The following NPC2 variants were observed in gnomAD, a reference collection of about 807,000 sequenced individuals.
NPC2 encodes NPC intracellular cholesterol transporter 2.
NPC2 carries 14 observed loss-of-function variants against 17.0 expected under a neutral mutation model. That is an observed-to-expected ratio of 0.82 (90% CI 0.54 to 1.29). The LOEUF (loss-of-function observed/expected upper bound fraction) is 1.29. Among genes scored for constraint, NPC2 ranks in the 50% most tolerant of loss-of-function variants. The probability of loss-of-function intolerance (pLI) is 0.00; values close to 1 mark genes in which losing one functional copy is unlikely to be tolerated. For missense variants in NPC2, 167 were observed against 183.4 expected (o/e 0.91, Z 0.52); for synonymous variants, 75 against 69.3 (o/e 1.08, Z -0.41).
At chr14:74,493,448 C>T, upstream of NPC2, 2 of 1,463,138 alleles carry the variant, frequency 1.4e-6, no homozygotes, top group Admixed American at 2.0e-5. This position sits in a 1 kb window ranked among gnomAD's most constrained non-coding sequence, Gnocchi z 4.1. Flanking sequence ...CTCCAGCCCT[C>T]TCAGGCCCAG....
At position 74,486,402 on chromosome 14, in the gene NPC2, C is replaced by A. The variant is rs1483609858; in HGVS notation, c.117G>T (p.Val39=). Residue 39 remains valine, a synonymous_variant, in exon 2 of 5, where the codon GTG becomes GTT. Transcript: ENST00000555619. ...GGCAGGGTTGGGTGGGGCATGGGCT[C>A]ACATTCACTTCCTTTATAACTCCAT... ...SVDGVIKEVN[V]SPCPTQPCQL... is the part of the protein sequence containing the mutation. 2 of 1,603,086 alleles carry A rather than the reference C, an allele frequency of 1.2e-6. No homozygotes were observed. Among genetic ancestry groups the A allele is most frequent in the Admixed American group, 3.4e-5 (2 of 58,400 alleles).
chr14:74,487,661 C>A (rs1187583108), intron 1 of NPC2, among the ~76,000 whole-genome samples: 1 of 152,216 alleles, frequency 6.6e-6, no homozygotes, highest in African/African-American at 2.4e-5. Context: ...CATCTTTCTA[C>A]CTCAAGTTCT....
At position 74,480,149 on chromosome 14, in the gene NPC2, C is replaced by G. The variant is rs750143959; in HGVS notation, c.*125G>C. ...GCTCAGTTTCTGCTACAGAGCACCT[C>G]CTCTTCAACGAATCACTGGATACCA... On this transcript the variant is annotated 3_prime_UTR_variant, in exon 5 of 5. Coordinates refer to ENST00000555619, the MANE Select transcript of NPC2 (RefSeq NM_006432.5). The G allele has an allele frequency of 1.4e-5, 22 of 1,599,990 alleles. No homozygotes were observed. The highest frequency in any genetic ancestry group is 1.9e-5 in the Non-Finnish European group (22 of 1,174,342).
intron 2 of NPC2, 88 bp downstream of exon 2, chr14:74,486,241 C>T (rs897765451): frequency 9.4e-6 from 11 of 1,175,228 alleles, no homozygotes; most frequent in Admixed American, 2.0e-5. Flanking sequence ...TGCCAATTCC[C>T]CTCCCCTCCA....
intron 2 of NPC2, among the ~76,000 whole-genome samples, chr14:74,485,294 C>CATAAAA (rs2086699432): frequency 1.4e-5 from 1 of 71,348 alleles, no homozygotes; most frequent in African/African-American, 7.8e-5. Context: ...GACTCTGTCA[C>CATAAAA]AAAAAAAAAA....
At chr14:74,489,261 T>C (rs1464606218) in intron 1 of NPC2, among the ~76,000 whole-genome samples, 2 of 152,212 alleles carry the variant, frequency 1.3e-5, no homozygotes, top group African/African-American at 2.4e-5. Context: ...CCTAGGTCTA[T>C]ATAGCTGCTG....
rs377388392 is a variant in NPC2 at position 74,484,300 on chromosome 14, T to TA, written c.363+114_363+115insT. On this transcript the variant is annotated intron_variant, in intron 3 of 4. Transcript: ENST00000555619. ...CCTATCTCCTTTCCCTCGGGCTTCT[T>TA]CTTCATCATAGAGATAAGGGGCCCT... 47 of 1,060,948 alleles carry TA rather than the reference T, an allele frequency of 4.4e-5. No individual in the cohort carries two copies. The African/African-American group carries it at 7.2e-4, about 16-fold the overall frequency. The allele number at this position is 1,060,948 out of a possible 1,614,324, so 65.7% of individuals were successfully genotyped here.
chr14:74,493,454 C>G, upstream of NPC2: 1 of 1,416,986 alleles, frequency 7.1e-7, no homozygotes, highest in Non-Finnish European at 9.6e-7. This position sits in a 1 kb window ranked among gnomAD's most constrained non-coding sequence, Gnocchi z 4.1. Context: ...CCCTCTCAGG[C>G]CCAGAAGCCT....
At chr14:74,488,424 G>T (rs1402630893) in intron 1 of NPC2, among the ~76,000 whole-genome samples, 1 of 152,076 alleles carries the variant, frequency 6.6e-6, no homozygotes, top group East Asian at 1.9e-4. Context: ...TTAAAATTAG[G>T]CTGATTCAAG....
intron 1 of NPC2, among the ~76,000 whole-genome samples, chr14:74,492,737 C>T (rs1044092094): frequency 1.3e-5 from 2 of 152,120 alleles, no homozygotes; most frequent in Non-Finnish European, 1.5e-5. Context: ...CTATTTGTAA[C>T]AATAAATGAT....
At chr14:74,489,722 A>T (rs1225196678) in intron 1 of NPC2, among the ~76,000 whole-genome samples, 1 of 152,240 alleles carries the variant, frequency 6.6e-6, no homozygotes, top group African/African-American at 2.4e-5. Context: ...GAACTGCCTG[A>T]TAACAGTGCC....
In NPC2 at chr14:74,485,294, C is replaced by CAAAAAAAA. The variant is rs61395005; in HGVS notation, c.191-715_191-708dup. ...TGGGTGACAGAGCGAGACTCTGTCA[C>CAAAAAAAA]AAAAAAAAAAAAAAAAAAAAAAAAA... On this transcript the variant is annotated intron_variant, in intron 2 of 4. Transcript: ENST00000555619. Among the ~76,000 whole-genome samples, 194 of 71,336 alleles carry CAAAAAAAA rather than the reference C, an allele frequency of 2.7e-3. 9 individuals carry two copies. Among genetic ancestry groups the CAAAAAAAA allele is most frequent in the African/African-American group, 6.8e-3 (88 of 12,908 alleles). The allele number at this position is 71,336 out of a possible 152,430, so 46.8% of individuals were successfully genotyped here.
At chr14:74,489,647 G>A (rs1478552238) in intron 1 of NPC2, among the ~76,000 whole-genome samples, 1 of 152,202 alleles carries the variant, frequency 6.6e-6, no homozygotes, top group East Asian at 1.9e-4. Context: ...TTTAAATAAA[G>A]CCTTTAAAAA....
chr14:74,490,419 A>C (rs1415468377), intron 1 of NPC2, among the ~76,000 whole-genome samples: 1 of 152,232 alleles, frequency 6.6e-6, no homozygotes, highest in East Asian at 1.9e-4. Context: ...AAACAGTTTG[A>C]GAAACACTCT....
chr14:74,492,298 G>A (rs1302781311), intron 1 of NPC2, among the ~76,000 whole-genome samples: 3 of 152,098 alleles, frequency 2.0e-5, no homozygotes, highest in African/African-American at 7.2e-5. Context: ...TGATAAATCC[G>A]CTCTGTCTAG....
In NPC2 at chr14:74,486,409, A is replaced by G. The variant is rs2086712978; in HGVS notation, c.110T>C (p.Val37Ala). The G allele has an allele frequency of 1.2e-6, 2 of 1,600,662 alleles. No homozygotes were observed. Among genetic ancestry groups the G allele is most frequent in the Non-Finnish European group, 1.7e-6 (2 of 1,173,316 alleles). The change falls in exon 2 of 5, where the codon GTG (valine) becomes GCG (alanine). Residue 37 changes from valine to alanine, a missense_variant. Coordinates refer to ENST00000555619, the MANE Select transcript of NPC2 (RefSeq NM_006432.5). ...CGSVDGVIKE[V>A]NVSPCPTQPC... is the part of the protein sequence containing the mutation. ...TTGGGTGGGGCATGGGCTCACATTC[A>G]CTTCCTTTATAACTCCATCCACAGA...
At chr14:74,480,810 T>G in intron 3 of NPC2, 31 bp from the exon 4 acceptor site, 1 of 1,556,822 alleles carries the variant, frequency 6.4e-7, no homozygotes, top group Non-Finnish European at 8.9e-7. Flanking sequence ...TTGAGAAAAA[T>G]GAAAATAGGA....
At chr14:74,484,726 T>C (rs561937666) in intron 2 of NPC2, 139 bp from the exon 3 acceptor site, 9 of 442,916 alleles carry the variant, frequency 2.0e-5, no homozygotes, top group Non-Finnish European at 3.6e-5. Flanking sequence ...ACTAGCACAG[T>C]GCAAGCATTC....
intron 1 of NPC2, among the ~76,000 whole-genome samples, chr14:74,490,691 T>C (rs1032317733): frequency 6.6e-6 from 1 of 152,232 alleles, no homozygotes; most frequent in Non-Finnish European, 1.5e-5. Context: ...CAGCAAACAT[T>C]ACAAAATTAG....
Sources: allele counts gnomAD v4.1 joint callset (sites outside exome capture counted in the v4.1 genomes callset), GRCh38; gene constraint gnomAD v4.1.1; non-coding constraint Gnocchi (gnomAD v3.1); transcripts MANE v1.5; gene names NCBI Gene and HGNC (gene_info 2026-07-23, HGNC 2026-07-21).